Variants in MAD1L1 observed in about 807,000 individuals in gnomAD.
MAD1L1 encodes mitotic spindle assembly checkpoint protein MAD1.
MAD1L1 carries 95 observed loss-of-function variants against 96.9 expected under a neutral mutation model. That is an observed-to-expected ratio of 0.98 (90% CI 0.83 to 1.16). The LOEUF (loss-of-function observed/expected upper bound fraction) is 1.16, where lower values mean the gene tolerates loss of function less well. MAD1L1 is among the 50% of genes most tolerant of loss of function. MAD1L1 has a pLI of 0.00. For synonymous variants in MAD1L1, 473 were observed against 396.6 expected, an observed-to-expected ratio of 1.19 and a Z score of -2.29; for missense variants, 1,007 against 954.4, an observed-to-expected ratio of 1.06 and a Z score of -0.73.
intron 3 of MAD1L1, among the ~76,000 whole-genome samples, chr7:2,227,427 C>G (rs1428895913): frequency 6.6e-6 from 1 of 152,220 alleles, no homozygotes; most frequent in Non-Finnish European, 1.5e-5. Context: ...ACATCTGGCC[C>G]TGTCTGGAGA....
At chr7:1,863,669 T>C (rs1784638969) in intron 18 of MAD1L1, among the ~76,000 whole-genome samples, 2 of 152,194 alleles carry the variant, frequency 1.3e-5, no homozygotes, top group Admixed American at 6.5e-5. Context: ...TGCCCTGCCC[T>C]GCCCCATCTT....
At chr7:1,984,347 T>C (rs963585898) in intron 14 of MAD1L1, among the ~76,000 whole-genome samples, 2 of 152,366 alleles carry the variant, frequency 1.3e-5, no homozygotes, top group Non-Finnish European at 1.5e-5. Context: ...GAATACACAA[T>C]TAATCTTTGT....
intron 12 of MAD1L1, among the ~76,000 whole-genome samples, chr7:2,025,774 A>G (rs554460496): frequency 7.7e-4 from 118 of 152,350 alleles, no homozygotes; most frequent in African/African-American, 2.7e-3. Context: ...TGGATTGTCT[A>G]GAAGGAAAAG....
intron 3 of MAD1L1, among the ~76,000 whole-genome samples, chr7:2,228,319 T>C (rs1794013849): frequency 6.6e-6 from 1 of 152,180 alleles, no homozygotes; most frequent in African/African-American, 2.4e-5. Flanking sequence ...TGGAGTGCAG[T>C]GGCGCGATGG....
chr7:1,882,333 G>A (rs572716606), intron 18 of MAD1L1, among the ~76,000 whole-genome samples: 2 of 152,344 alleles, frequency 1.3e-5, no homozygotes, highest in South Asian at 2.1e-4. Flanking sequence ...GTCAGCATGC[G>A]TTGAAAGCAA....
intron 14 of MAD1L1, among the ~76,000 whole-genome samples, chr7:1,984,556 C>T (rs780754422): frequency 3.3e-5 from 5 of 152,220 alleles, no homozygotes; most frequent in Non-Finnish European, 5.9e-5. Context: ...TTCCCAACAG[C>T]GGTGATGTGT....
intron 18 of MAD1L1, among the ~76,000 whole-genome samples, chr7:1,892,364 C>A (rs1027623797): frequency 6.6e-6 from 1 of 152,182 alleles, no homozygotes; most frequent in Non-Finnish European, 1.5e-5. Context: ...AAAGCGAGAC[C>A]GTACTAGACT....
chr7:2,042,380 C>T (rs770753622), intron 12 of MAD1L1, among the ~76,000 whole-genome samples: 9 of 152,172 alleles, frequency 5.9e-5, no homozygotes, highest in African/African-American at 9.7e-5. Context: ...GGCATGCACA[C>T]GGCATTCCTA....
At chr7:2,014,777 C>T in intron 12 of MAD1L1, 135 bp from the exon 13 acceptor site, 2 of 1,023,868 alleles carry the variant, frequency 2.0e-6, no homozygotes, top group Non-Finnish European at 1.4e-6. Context: ...GCACTCAGAG[C>T]CCACCCCTGA....
intron 13 of MAD1L1, among the ~76,000 whole-genome samples, chr7:2,004,250 C>A (rs1179970736): frequency 6.6e-6 from 1 of 152,144 alleles, no homozygotes; most frequent in Non-Finnish European, 1.5e-5. Context: ...ATGAGAGCTG[C>A]CCGCACCCCT....
At chr7:2,158,952 G>C (rs1327597332) in intron 10 of MAD1L1, among the ~76,000 whole-genome samples, 4 of 150,992 alleles carry the variant, frequency 2.6e-5, no homozygotes, top group Non-Finnish European at 5.9e-5. Context: ...CCCAAGTCAG[G>C]GGATTCACAT....
At chr7:2,034,087 C>A (rs562318965) in intron 12 of MAD1L1, among the ~76,000 whole-genome samples, 3 of 152,264 alleles carry the variant, frequency 2.0e-5, no homozygotes, top group African/African-American at 7.2e-5. Context: ...CAGAGCAAGA[C>A]CCTGTGTCTA....
At chr7:2,020,923 T>C (rs1267701171) in intron 12 of MAD1L1, among the ~76,000 whole-genome samples, 1 of 145,794 alleles carries the variant, frequency 6.9e-6, no homozygotes, top group South Asian at 2.1e-4. Flanking sequence ...ACATAAAAAA[T>C]GAAAAAAAAC....
At chr7:1,892,226 C>G (rs1014773361) in intron 18 of MAD1L1, among the ~76,000 whole-genome samples, 3 of 152,242 alleles carry the variant, frequency 2.0e-5, no homozygotes, top group African/African-American at 4.8e-5. Context: ...CAGCAGCCGG[C>G]TAAACCATGC....
chr7:1,938,829 C>CA (rs1778762909), intron 16 of MAD1L1, among the ~76,000 whole-genome samples: 1 of 115,094 alleles, frequency 8.7e-6, no homozygotes, highest in Non-Finnish European at 1.7e-5. Context: ...GGGCCAGGGC[C>CA]GGGGCCAGAG....
chr7:2,002,130 C>T lies in MAD1L1; in HGVS notation c.1360-9G>A. On this transcript the variant is annotated splice_polypyrimidine_tract_variant and intron_variant, in intron 13 of 18. Coordinates refer to ENST00000265854, the MANE Select transcript of MAD1L1 (RefSeq NM_001013836.2). ...GCCTGCGACAGCTGAGCCTGCAAGA[C>T]AAGACAGGATTCGGCCTGAGACTGT... 2 of 1,612,854 alleles carry T rather than the reference C, an allele frequency of 1.2e-6. No individual in the cohort carries two copies. Among genetic ancestry groups the T allele is most frequent in the Non-Finnish European group, 1.7e-6 (2 of 1,179,960 alleles).
intron 3 of MAD1L1, among the ~76,000 whole-genome samples, chr7:2,229,686 G>T (rs1000318069): frequency 5.9e-5 from 9 of 152,196 alleles, no homozygotes; most frequent in African/African-American, 2.2e-4. Context: ...TGAATGAACT[G>T]GCTTTCCGAT....
chr7:1,989,188 G>C (rs1430572598), intron 14 of MAD1L1, among the ~76,000 whole-genome samples: 1 of 152,196 alleles, frequency 6.6e-6, no homozygotes, highest in Non-Finnish European at 1.5e-5. Context: ...AGCCACGGGA[G>C]CCACTCCACA....
intron 11 of MAD1L1, among the ~76,000 whole-genome samples, chr7:2,131,882 A>G (rs1788524753): frequency 6.6e-6 from 1 of 152,182 alleles, no homozygotes; most frequent in Non-Finnish European, 1.5e-5. Context: ...GCAGTCACAC[A>G]AGTCCTGTGA....
Sources: allele counts gnomAD v4.1 joint callset (sites outside exome capture counted in the v4.1 genomes callset), GRCh38; gene constraint gnomAD v4.1.1; transcripts MANE v1.5; gene names NCBI Gene and HGNC (gene_info 2026-07-23, HGNC 2026-07-21).